The following TXLNB variants were observed in gnomAD, a reference collection of about 807,000 sequenced individuals.
The protein encoded by TXLNB is taxilin beta, also known as beta-taxilin.
TXLNB carries 37 observed loss-of-function variants against 57.4 expected under a neutral mutation model. The ratio of observed to expected loss-of-function variants is 0.64; its 90% CI spans 0.50 to 0.85. The LOEUF is 0.85. Ranked by LOEUF, TXLNB falls within the 40% of genes least tolerant of loss-of-function variation. The probability of loss-of-function intolerance (pLI) is 0.00; values close to 1 mark genes in which losing one functional copy is unlikely to be tolerated. For synonymous variants in TXLNB, 302 were observed against 309.6 expected (o/e 0.98, Z 0.26); for missense variants, 848 against 825.6 (o/e 1.03, Z -0.33).
the TXLNB span, among the ~76,000 whole-genome samples, chr6:139,309,255 TG>T: frequency 1.3e-5 from 2 of 152,248 alleles, no homozygotes; most frequent in African/African-American, 4.8e-5. Context: ...TAGATTTATA[TG>T]ATTCCTTACC....
At chr6:139,317,551 C>A in the TXLNB span, among the ~76,000 whole-genome samples, 1 of 152,036 alleles carries the variant, frequency 6.6e-6, no homozygotes, top group South Asian at 2.1e-4. Flanking sequence ...AGGCGCCCGC[C>A]ACCACGCCCA....
intron 2 of TXLNB, among the ~76,000 whole-genome samples, chr6:139,278,912 G>A (rs1776973280): frequency 6.6e-6 from 1 of 152,136 alleles, no homozygotes. Context: ...GCTGAGGCAG[G>A]GGAATCACTT....
chr6:139,243,180 A>G lies in TXLNB; in HGVS notation c.1401T>C (p.Asp467=), dbSNP rs772594252. The change falls in exon 10 of 10, where the codon GAT becomes GAC. Residue 467 remains aspartate, a synonymous_variant. Transcript: ENST00000358430. ...CATCGGAGTTGTGCTGACTTTGGTC[A>G]TCCTTTTCAGATATTTCTGCGTCTC... is the stretch of plus-strand genomic sequence containing the variant. ...KIRDAEISEK[D]DQSQHNSDEE... is the part of the protein sequence containing the mutation. 2.5e-6 allele frequency: 4 copies of G among 1,614,104 alleles called. No individual in the cohort carries two copies. Among genetic ancestry groups the G allele is most frequent in the Non-Finnish European group, 3.4e-6 (4 of 1,180,008 alleles).
the TXLNB span, among the ~76,000 whole-genome samples, chr6:139,162,297 T>G: frequency 2.6e-5 from 4 of 152,234 alleles, no homozygotes; most frequent in African/African-American, 9.6e-5. Context: ...CTTGAAGCAG[T>G]AGGAGTGGGG....
At chr6:139,167,433 T>A in the TXLNB span, 2 of 911,168 alleles carry the variant, frequency 2.2e-6, no homozygotes, top group African/African-American at 3.3e-5. Context: ...GTTTTTTTGT[T>A]CTAGTCAGGT....
At chr6:139,204,989 C>G in the TXLNB span, among the ~76,000 whole-genome samples, 1 of 152,194 alleles carries the variant, frequency 6.6e-6, no homozygotes, top group East Asian at 1.9e-4. Context: ...CTCAGACCTG[C>G]CTAACCCTGC....
chr6:139,258,173 G>A (rs1770303232), intron 6 of TXLNB, among the ~76,000 whole-genome samples: 1 of 152,166 alleles, frequency 6.6e-6, no homozygotes, highest in African/African-American at 2.4e-5. Flanking sequence ...CAGGTAGGTG[G>A]CTAGCTTCGA....
the TXLNB span, among the ~76,000 whole-genome samples, chr6:139,297,516 G>A: frequency 6.6e-6 from 1 of 152,100 alleles, no homozygotes. Context: ...TCTACCATGG[G>A]CTGAAAGGAA....
intron 7 of TXLNB, among the ~76,000 whole-genome samples, chr6:139,251,198 G>A (rs1776197441): frequency 6.6e-6 from 1 of 152,144 alleles, no homozygotes; most frequent in Non-Finnish European, 1.5e-5. Context: ...AATACACATA[G>A]CACAAAAGTT....
the TXLNB span, among the ~76,000 whole-genome samples, chr6:139,304,481 T>A: frequency 6.6e-6 from 1 of 152,026 alleles, no homozygotes; most frequent in African/African-American, 2.4e-5. Context: ...CAAAAGGGGG[T>A]CACTTCCACT....
chr6:139,178,733 C>G, the TXLNB span: 2 of 152,030 alleles, frequency 1.3e-5, no homozygotes, highest in Admixed American at 1.3e-4. Flanking sequence ...TGCCACCACA[C>G]CCGGCTAATT....
At chr6:139,303,455 C>T in the TXLNB span, among the ~76,000 whole-genome samples, 10 of 152,134 alleles carry the variant, frequency 6.6e-5, no homozygotes, top group African/African-American at 1.9e-4. Context: ...ATGCTATATA[C>T]AAGGAAATGT....
At chr6:139,259,760 C>T (rs187191979) in intron 6 of TXLNB, among the ~76,000 whole-genome samples, 12 of 152,242 alleles carry the variant, frequency 7.9e-5, no homozygotes, top group African/African-American at 2.2e-4. Context: ...GCACCTAACA[C>T]GGTGCTTAGT....
chr6:139,290,191 C>T (rs956656013), intron 1 of TXLNB, among the ~76,000 whole-genome samples: 6 of 152,062 alleles, frequency 3.9e-5, no homozygotes, highest in African/African-American at 1.2e-4. Context: ...ACCAGCCTGG[C>T]CAACATGGTG....
the TXLNB span, among the ~76,000 whole-genome samples, chr6:139,173,660 C>A: frequency 6.6e-6 from 1 of 152,158 alleles, no homozygotes; most frequent in Non-Finnish European, 1.5e-5. Context: ...CATTCTGACT[C>A]TTTCCTAATT....
rs1776737933 is a variant in TXLNB at position 139,270,634 on chromosome 6, C to T, written c.517-8G>A. 1.2e-6 allele frequency: 2 copies of T among 1,612,648 alleles called. No individual in the cohort carries two copies. The highest frequency in any genetic ancestry group is 2.2e-5 in the East Asian group (1 of 44,864). ...AGTACGATGTTCATCCAGCTGTACA[C>T]ATGGAGATACAAACATGAAAGAAAA... is the stretch of plus-strand genomic sequence containing the variant. On this transcript the variant is annotated splice_region_variant and splice_polypyrimidine_tract_variant and intron_variant, in intron 3 of 9. Transcript: ENST00000358430.
At chr6:139,225,526 G>A in the TXLNB span, among the ~76,000 whole-genome samples, 1 of 151,982 alleles carries the variant, frequency 6.6e-6, no homozygotes, top group Non-Finnish European at 1.5e-5. Context: ...TTGTATATCG[G>A]CAGCAAACAA....
the TXLNB span, among the ~76,000 whole-genome samples, chr6:139,217,713 C>CA: frequency 2.7e-3 from 416 of 151,664 alleles, 1 homozygote; most frequent in Middle Eastern, 0.01. Flanking sequence ...CTAAAAAATA[C>CA]AAAAAATTAG....
At chr6:139,243,667 C>G (rs895450367) in intron 9 of TXLNB, among the ~76,000 whole-genome samples, 1 of 152,028 alleles carries the variant, frequency 6.6e-6, no homozygotes, top group African/African-American at 2.4e-5. Context: ...GCAAGACTTG[C>G]GGCAAGATAA....
Sources: gnomAD v4.1 joint callset for allele counts (sites outside exome capture counted in the v4.1 genomes callset) on GRCh38, gnomAD v4.1.1 for gene constraint, MANE v1.5 for transcripts, NCBI Gene and HGNC (gene_info 2026-07-23, HGNC 2026-07-21) for gene names.